The following AMZ1 variants were observed in gnomAD, a reference collection of about 807,000 sequenced individuals.
The protein encoded by AMZ1 is archaemetzincin-1.
A neutral mutation model predicts 29.9 loss-of-function variants in AMZ1; 39 were observed. The ratio of observed to expected loss-of-function variants is 1.30; its 90% confidence interval spans 1.01 to 1.70. The LOEUF (loss-of-function observed/expected upper bound fraction) is 1.70. Ranked by LOEUF, AMZ1 falls within the 40% of genes most tolerant of loss-of-function variation. The pLI is 0.00. For missense variants in AMZ1, 1,041 were observed against 680.6 expected (o/e 1.53, Z -5.89); for synonymous variants, 458 against 304.0 (o/e 1.51, Z -5.27).
chr7:2,731,167 C>CT lies in AMZ1; in HGVS notation n.550+21351_550+21352insT. The stretch of plus-strand genomic sequence containing the variant: ...GGGGCTGCTCAACGACGACAAACCC[C>CT]GGGGCTTCCTCGCTCACTGCAGCAT... On this transcript the variant is annotated intron_variant and non_coding_transcript_variant, in intron 4 of 4. Coordinates refer to the AMZ1 transcript ENST00000489665. This position sits in a 1 kb window ranked among gnomAD's most constrained non-coding sequence, Gnocchi z 6.0. 6.3e-7 allele frequency: 1 copy of CT among 1,583,384 alleles called. No individual in the cohort carries two copies. Among genetic ancestry groups the CT allele is most frequent in the Non-Finnish European group, 8.6e-7 (1 of 1,159,326 alleles).
At chr7:2,685,025 A>G (rs1053284900), upstream of AMZ1, among the ~76,000 whole-genome samples, 4 of 151,328 alleles carry the variant, frequency 2.6e-5, no homozygotes, top group Non-Finnish European at 5.9e-5. Context: ...GCCCGCCACC[A>G]CGCCCGGCTA....
intron 4 of AMZ1, among the ~76,000 whole-genome samples, chr7:2,743,937 G>C (rs1234818559): frequency 2.0e-5 from 3 of 152,112 alleles, no homozygotes; most frequent in Admixed American, 6.6e-5. Flanking sequence ...ACAGCAGTCT[G>C]AGATCAAACT....
chr7:2,763,040 T>G (rs527828420), upstream of AMZ1: 84 of 1,250,258 alleles, frequency 6.7e-5, no homozygotes, highest in African/African-American at 1.2e-3. Flanking sequence ...GGACTCAGCG[T>G]GCCGTTCCTC....
chr7:2,737,281 T>C (rs1359174234), intron 4 of AMZ1, among the ~76,000 whole-genome samples: 1 of 71,568 alleles, frequency 1.4e-5, no homozygotes. Flanking sequence ...TTTGTTTTTT[T>C]TTTTTTTGTT....
upstream of AMZ1, chr7:2,760,333 A>T (rs1562412245): frequency 6.6e-6 from 1 of 152,356 alleles, no homozygotes; most frequent in Non-Finnish European, 1.5e-5. Context: ...ACTCAATAGA[A>T]TGCCTTACCA....
intron 4 of AMZ1, among the ~76,000 whole-genome samples, chr7:2,727,357 G>C (rs1335042333): frequency 6.6e-6 from 1 of 152,168 alleles, no homozygotes; most frequent in Non-Finnish European, 1.5e-5. Flanking sequence ...TGGGATTACA[G>C]GCATGAGCCA....
At chr7:2,682,917 A>G (rs57014361) in intron 1 of AMZ1, among the ~76,000 whole-genome samples, 39,170 of 152,192 alleles carry the variant, frequency 0.26, 5,228 homozygotes, top group Middle Eastern at 0.33. Context: ...ACCCGGGCTC[A>G]TCTTGCTGTG....
In AMZ1 at chr7:2,702,751, C is replaced by G. The variant is rs370075217; in HGVS notation, c.334C>G (p.Leu112Val). 4.5e-6 allele frequency: 7 copies of G among 1,540,658 alleles called. No individual in the cohort carries two copies. The highest frequency in any genetic ancestry group is 2.4e-5 in the South Asian group (2 of 83,980). The change falls in exon 3 of 7, where the codon CTG (leucine) becomes GTG (valine). Residue 112 changes from leucine (L) to valine (V), a missense_variant. By Grantham distance (32) the Leu-to-Val change is conservative (BLOSUM62 1). Coordinates refer to ENST00000683327, the MANE Select transcript of AMZ1 (RefSeq NM_001384743.1). Reference protein sequence around the residue: ...DLSEEPVGSSLLHQLCSCTEA... With the variant: ...DLSEEPVGSSVLHQLCSCTEA... Reference sequence around the variant, plus strand: ...GAGCGAGGAGCCGGTGGGAAGCTCCCTGCTGCACCAGCTGTGCAGCTGCAC... The same window carrying G: ...GAGCGAGGAGCCGGTGGGAAGCTCCGTGCTGCACCAGCTGTGCAGCTGCAC...
chr7:2,705,814 G>C (rs1406159570), intron 3 of AMZ1, among the ~76,000 whole-genome samples: 4 of 152,236 alleles, frequency 2.6e-5, no homozygotes, highest in Non-Finnish European at 5.9e-5. Context: ...GGGACAATGT[G>C]GCCTGCCTTG....
chr7:2,736,168 G>T (rs1790163607), intron 4 of AMZ1, among the ~76,000 whole-genome samples: 1 of 152,184 alleles, frequency 6.6e-6, no homozygotes, highest in Non-Finnish European at 1.5e-5. Flanking sequence ...AATGCATGTG[G>T]CAGAAACTGA....
chr7:2,692,005 T>C (rs1191554488), intron 1 of AMZ1, among the ~76,000 whole-genome samples: 3 of 152,182 alleles, frequency 2.0e-5, no homozygotes, highest in African/African-American at 7.2e-5. Flanking sequence ...TGGGAGGTTA[T>C]GGTGCTTGCC....
At chr7:2,706,401 G>T (rs922181792) in intron 3 of AMZ1, among the ~76,000 whole-genome samples, 2 of 152,202 alleles carry the variant, frequency 1.3e-5, no homozygotes, top group African/African-American at 2.4e-5. Context: ...TTGGATCACT[G>T]TACTGGTTTC....
At chr7:2,732,821 G>C (rs1789969128) in intron 4 of AMZ1, among the ~76,000 whole-genome samples, 1 of 152,158 alleles carries the variant, frequency 6.6e-6, no homozygotes, top group South Asian at 2.1e-4. Context: ...AAAAAGGAGA[G>C]ACATACAGAT....
intron 1 of AMZ1, among the ~76,000 whole-genome samples, chr7:2,679,840 C>G (rs1010351567): frequency 6.6e-6 from 1 of 152,210 alleles, no homozygotes; most frequent in Admixed American, 6.5e-5. Flanking sequence ...GAGTCTGGAG[C>G]CCGGGAGAGG....
Position 2,702,399 on chromosome 7 carries a change from G to A in AMZ1, c.305-323G>A, listed in dbSNP as rs772810851. The A allele has an allele frequency of 5.0e-4, 163 of 327,216 alleles. 1 individual carries two copies. Among genetic ancestry groups the A allele is most frequent in the Non-Finnish European group, 2.9e-4 (53 of 180,248 alleles). 20.3% of individuals were successfully genotyped at this position (327,216 alleles called of 1,614,324 possible). ...GGTGGCTCGGCTCTGTGTGCTGCCT[G>A]CTCAGCTGCAGTGCCTGGCGCTAAC... On this transcript the variant is annotated intron_variant, in intron 2 of 6. Coordinates refer to ENST00000683327, the MANE Select transcript of AMZ1 (RefSeq NM_001384743.1).
chr7:2,711,207 C>T (rs1389718387), intron 6 of AMZ1, among the ~76,000 whole-genome samples: 1 of 152,154 alleles, frequency 6.6e-6, no homozygotes, highest in African/African-American at 2.4e-5. Context: ...CCTGGCCCTC[C>T]TGGCTGTTGT....
chr7:2,719,145 G>C lies in AMZ1; in HGVS notation c.*6267G>C, dbSNP rs561665623. Reference sequence around the variant, plus strand: ...GCTCGAGGCCTTTACTGGATGGGCAGGATGCGGGCAGCAGCTTTGTCGGCT... The same window carrying C: ...GCTCGAGGCCTTTACTGGATGGGCACGATGCGGGCAGCAGCTTTGTCGGCT... On this transcript the variant is annotated 3_prime_UTR_variant, in exon 7 of 7. Coordinates refer to ENST00000683327, the MANE Select transcript of AMZ1 (RefSeq NM_001384743.1). Among the ~76,000 whole-genome samples, 1 of 152,290 alleles carries C rather than the reference G, an allele frequency of 6.6e-6. No homozygotes were observed. Among genetic ancestry groups the C allele is most frequent in the Admixed American group, 6.5e-5 (1 of 15,296 alleles).
chr7:2,687,104 G>A (rs1787109725), upstream of AMZ1, among the ~76,000 whole-genome samples: 1 of 151,900 alleles, frequency 6.6e-6, no homozygotes, highest in Admixed American at 6.6e-5. Context: ...TGAGGCGGGT[G>A]TATCATGAGG....
At chr7:2,764,244 C>CTT (rs35992308), upstream of AMZ1, among the ~76,000 whole-genome samples, 67 of 139,338 alleles carry the variant, frequency 4.8e-4, no homozygotes, top group African/African-American at 1.6e-3. Flanking sequence ...CAGCTAATTT[C>CTT]TTTTTTTTTT....
Sources: gnomAD v4.1 joint callset for allele counts (sites outside exome capture counted in the v4.1 genomes callset) on GRCh38, gnomAD v4.1.1 for gene constraint, Gnocchi (gnomAD v3.1) non-coding constraint, MANE v1.5 for transcripts, NCBI Gene and HGNC (gene_info 2026-07-23, HGNC 2026-07-21) for gene names.